The following PEBP1 variants were observed in gnomAD, a reference collection of about 807,000 sequenced individuals.
PEBP1 encodes phosphatidylethanolamine binding protein 1, also known as phosphatidylethanolamine-binding protein 1.
PEBP1 carries 17 observed loss-of-function variants against 22.7 expected under a neutral mutation model. The ratio of observed to expected loss-of-function variants is 0.75; its 90% CI spans 0.51 to 1.12. The LOEUF is 1.12. Among genes scored for constraint, PEBP1 ranks in the 50% most tolerant of loss-of-function variants. The pLI, the probability that PEBP1 is intolerant of heterozygous loss-of-function variation, is 0.00. For missense variants in PEBP1, 205 were observed against 243.5 expected (o/e 0.84, Z 1.05); for synonymous variants, 106 against 104.3 (o/e 1.02, Z -0.10).
At chr12:118,137,406 C>T (rs563115549) in intron 1 of PEBP1, among the ~76,000 whole-genome samples, 110 of 151,972 alleles carry the variant, frequency 7.2e-4, no homozygotes, top group Non-Finnish European at 1.4e-3. Flanking sequence ...AAAAATTGGC[C>T]AGGTGTGATG....
chr12:118,136,299 C>T lies in PEBP1; in HGVS notation c.90C>T (p.Ala30=). The change falls in exon 1 of 4, where the codon GCC becomes GCT. Residue 30 remains alanine (A), a synonymous_variant. Transcript: ENST00000261313. This position sits in a 1 kb window ranked among gnomAD's most constrained non-coding sequence, Gnocchi z 5.6. ...AGCACCCGCTGCATGTCACCTACGC[C>T]GGGGCGGCGGTGGACGAGCTGGGCA... is the stretch of plus-strand genomic sequence containing the variant. The part of the protein sequence containing the change: ...QPQHPLHVTY[A]GAAVDELGKV... The T allele has an allele frequency of 1.3e-6, 2 of 1,546,288 alleles. No individual in the cohort carries two copies. Among genetic ancestry groups the T allele is most frequent in the Admixed American group, 2.0e-5 (1 of 50,992 alleles).
chr12:118,140,895 C>G (rs2034108088), intron 3 of PEBP1, among the ~76,000 whole-genome samples: 1 of 152,008 alleles, frequency 6.6e-6, no homozygotes, highest in Non-Finnish European at 1.5e-5. Context: ...TTGTTTTTTC[C>G]ATATTCTTGT....
rs374392598 is a variant in PEBP1, at chr12:118,142,826, C to CTTT, written c.347-1731_347-1729dup. Among the ~76,000 whole-genome samples the CTTT allele has an allele frequency of 3.2e-3, 295 of 93,598 alleles. 30 individuals are homozygous for CTTT. The highest frequency in any genetic ancestry group is 0.014 in the East Asian group (39 of 2,704). 61.4% of individuals were successfully genotyped at this position (93,598 alleles called of 152,430 possible). A position where few individuals can be genotyped will look rare whatever the true frequency, so the allele number is the denominator to read the frequency against. On this transcript the variant is annotated intron_variant, in intron 3 of 3. Transcript: ENST00000261313. ...ACTACAGTAGCGTTAACTACATTCA[C>CTTT]TTTTTTTTTTTTTTTTTTTTTTTTT...
chr12:118,139,684 G>T, intron 3 of PEBP1, 133 bp downstream of exon 3: 2 of 562,604 alleles, frequency 3.6e-6, no homozygotes, highest in Non-Finnish European at 3.2e-6. Flanking sequence ...TAGGGCAGCT[G>T]CCTTCAGGGC....
At position 118,144,574 on chromosome 12, in the gene PEBP1, C is replaced by T. The variant is rs1350889953; in HGVS notation, c.347-12C>T. 2 of 1,608,074 alleles carry T rather than the reference C, an allele frequency of 1.2e-6. No homozygotes were observed. Among genetic ancestry groups the T allele is most frequent in the East Asian group, 4.5e-5 (2 of 44,606 alleles). ...GGCTGTGTGTACATCTTCCCTCTGC[C>T]TCTCCCCACAGGCCTCCACCGCTAT... On this transcript the variant is annotated splice_polypyrimidine_tract_variant and intron_variant, in intron 3 of 3. Coordinates refer to ENST00000261313, the MANE Select transcript of PEBP1 (RefSeq NM_002567.4).
chr12:118,142,952 C>T (rs949390180), intron 3 of PEBP1, among the ~76,000 whole-genome samples: 2 of 150,746 alleles, frequency 1.3e-5, no homozygotes, highest in African/African-American at 4.9e-5. Context: ...TCAAGCAACC[C>T]TCCTACCTCA....
chr12:118,136,488 C>T lies in PEBP1; in HGVS notation c.135+144C>T, dbSNP rs2034060810. The T allele has an allele frequency of 9.7e-7, 1 of 1,035,796 alleles. No homozygotes were observed. The highest frequency in any genetic ancestry group is 1.7e-5 in the South Asian group (1 of 58,638). 64.2% of individuals were successfully genotyped at this position (1,035,796 alleles called of 1,614,324 possible). ...CGAGGCCCCCCCAGGCCAGAGGTCC[C>T]GGGGTCCATGTCCCATGCCTGGGGG... On this transcript the variant is annotated intron_variant, in intron 1 of 3. Transcript: ENST00000261313. This position sits in a 1 kb window ranked among gnomAD's most constrained non-coding sequence, Gnocchi z 5.6.
rs911076489 is a variant in PEBP1 at position 118,136,461 on chromosome 12, G to T, written c.135+117G>T. 9 of 1,246,952 alleles carry T rather than the reference G, an allele frequency of 7.2e-6. No individual in the cohort carries two copies. The highest frequency in any genetic ancestry group is 9.7e-6 in the Non-Finnish European group (9 of 931,582). 77.2% of individuals were successfully genotyped at this position (1,246,952 alleles called of 1,614,324 possible). On this transcript the variant is annotated intron_variant, in intron 1 of 3. Coordinates refer to ENST00000261313, the MANE Select transcript of PEBP1 (RefSeq NM_002567.4). The surrounding 1 kb of genome is among the most constrained non-coding windows in gnomAD (Gnocchi z 5.6). Reference sequence around the variant, plus strand: ...CGGTGGGGAGGTTCAGCCTGCGTGTGTCGAGGCCCCCCCAGGCCAGAGGTC... The same window carrying T: ...CGGTGGGGAGGTTCAGCCTGCGTGTTTCGAGGCCCCCCCAGGCCAGAGGTC...
intron 3 of PEBP1, among the ~76,000 whole-genome samples, chr12:118,141,066 C>G (rs1377875677): frequency 6.6e-6 from 1 of 151,998 alleles, no homozygotes; most frequent in African/African-American, 2.4e-5. Context: ...TACTTAAATT[C>G]CCCCAGAGCT....
intron 3 of PEBP1, among the ~76,000 whole-genome samples, chr12:118,143,905 C>CAA (rs5801270): frequency 0.01 from 1,124 of 112,012 alleles, 18 homozygotes; most frequent in Non-Finnish European, 0.013. Context: ...GACTCCGTCT[C>CAA]AAAAAAAAAA....
At chr12:118,137,007 G>C (rs979206617) in intron 1 of PEBP1, among the ~76,000 whole-genome samples, 1 of 152,306 alleles carries the variant, frequency 6.6e-6, no homozygotes, top group East Asian at 1.9e-4. Context: ...AAACTGCCCC[G>C]ACCTTACATT....
intron 2 of PEBP1, among the ~76,000 whole-genome samples, chr12:118,138,659 G>A (rs2034087826): frequency 6.6e-6 from 1 of 152,104 alleles, no homozygotes; most frequent in Admixed American, 6.5e-5. Context: ...GTCTCCCAAA[G>A]TGCTGGGATT....
At chr12:118,143,209 A>T (rs1592929354) in intron 3 of PEBP1, among the ~76,000 whole-genome samples, 1 of 151,826 alleles carries the variant, frequency 6.6e-6, no homozygotes, top group Admixed American at 6.6e-5. Context: ...CCCAACAGAA[A>T]CCCTGTCCCC....
In PEBP1 at chr12:118,139,550, AG is replaced by A; in HGVS notation, c.346+1del. 6 of 1,598,800 alleles carry A rather than the reference AG, an allele frequency of 3.8e-6. No individual in the cohort carries two copies. The highest frequency in any genetic ancestry group is 3.4e-6 in the Non-Finnish European group (4 of 1,168,682). Reference sequence around the variant, plus strand: ...TGGGCTCGGGGCCTCCCAAGGGCACAGGTTAGTAAAGGTTGTTTTTGGTGGG... The same window carrying A: ...TGGGCTCGGGGCCTCCCAAGGGCACAGTTAGTAAAGGTTGTTTTTGGTGGG... ...YVGSGPPKGT[G>X]LHRYVWLVYE... On this transcript the variant is annotated frameshift_variant and splice_region_variant, in exon 3 of 4. Coordinates refer to ENST00000261313, the MANE Select transcript of PEBP1 (RefSeq NM_002567.4). LOFTEE classifies it high-confidence loss of function.
chr12:118,136,257 A>G lies in PEBP1; in HGVS notation c.48A>G (p.Glu16=). The change falls in exon 1 of 4, where the codon GAA becomes GAG. Residue 16 remains glutamate (E), a synonymous_variant. Transcript: ENST00000261313. This position sits in a 1 kb window ranked among gnomAD's most constrained non-coding sequence, Gnocchi z 5.6. ...SKWSGPLSLQ[E]VDEQPQHPLH... ...GGTCCGGGCCCTTGAGCCTGCAAGA[A>G]GTGGACGAGCAGCCGCAGCACCCGC... 6.5e-7 allele frequency: 1 copy of G among 1,547,260 alleles called. No individual in the cohort carries two copies. Among genetic ancestry groups the G allele is most frequent in the Non-Finnish European group, 8.7e-7 (1 of 1,146,604 alleles).
intron 3 of PEBP1, among the ~76,000 whole-genome samples, chr12:118,139,913 T>C (rs1372210840): frequency 6.6e-6 from 1 of 152,218 alleles, no homozygotes; most frequent in African/African-American, 2.4e-5. Flanking sequence ...GGGTGATCTT[T>C]GAGTTTCTTT....
rs1033092877 is a variant in PEBP1, at chr12:118,136,989, C to T, written c.135+645C>T. Reference sequence around the variant, plus strand: ...TTGGTTATGAAGCTCCGGGCAACAGCGTAAAATAAACTGCCCCGACCTTAC... The same window carrying T: ...TTGGTTATGAAGCTCCGGGCAACAGTGTAAAATAAACTGCCCCGACCTTAC... On this transcript the variant is annotated intron_variant, in intron 1 of 3. Coordinates refer to ENST00000261313, the MANE Select transcript of PEBP1 (RefSeq NM_002567.4). This position sits in a 1 kb window ranked among gnomAD's most constrained non-coding sequence, Gnocchi z 5.6. 6.6e-6 allele frequency among the ~76,000 whole-genome samples: 1 copy of T among 152,164 alleles called. No individual in the cohort carries two copies. Among genetic ancestry groups the T allele is most frequent in the Non-Finnish European group, 1.5e-5 (1 of 68,040 alleles).
rs1339523857 is a variant in PEBP1 at position 118,136,633 on chromosome 12, C to T, written c.135+289C>T. Among the ~76,000 whole-genome samples the T allele has an allele frequency of 6.6e-6, 1 of 152,184 alleles. No homozygotes were observed. The highest frequency in any genetic ancestry group is 1.5e-5 in the Non-Finnish European group (1 of 68,022). ...GAGGGACCTAGGTTCGGAAACAGGC[C>T]GGATCCCCCTCTCCCCCCACAGGCC... On this transcript the variant is annotated intron_variant, in intron 1 of 3. Coordinates refer to ENST00000261313, the MANE Select transcript of PEBP1 (RefSeq NM_002567.4). This position sits in a 1 kb window ranked among gnomAD's most constrained non-coding sequence, Gnocchi z 5.6.
At position 118,139,244 on chromosome 12, in the gene PEBP1, G is replaced by A. The variant is rs1592927489; in HGVS notation, c.246-207G>A. On this transcript the variant is annotated intron_variant, in intron 2 of 3. Transcript: ENST00000261313. Reference sequence around the variant, plus strand: ...AGAGAATTGCTTGAGCCCAGGAGGAGGAGCTTGCAGTGAGCCGAGATCGTG... The same window carrying A: ...AGAGAATTGCTTGAGCCCAGGAGGAAGAGCTTGCAGTGAGCCGAGATCGTG... 9.7e-6 allele frequency: 4 copies of A among 414,196 alleles called. No homozygotes were observed. In the East Asian group the frequency reaches 2.3e-4, roughly 24 times the overall value. The allele number at this position is 414,196 out of a possible 1,614,324, so 25.7% of individuals were successfully genotyped here.
Sources: allele counts gnomAD v4.1 joint callset (sites outside exome capture counted in the v4.1 genomes callset), GRCh38; gene constraint gnomAD v4.1.1; non-coding constraint Gnocchi (gnomAD v3.1); transcripts MANE v1.5; gene names NCBI Gene and HGNC (gene_info 2026-07-23, HGNC 2026-07-21).